Variants in CUL3 observed in about 807,000 individuals in gnomAD.
The protein encoded by CUL3 is cullin-3.
CUL3 carries 19 observed loss-of-function variants against 89.1 expected under a neutral mutation model. The observed-to-expected ratio is 0.21, with a 90% CI of 0.15 to 0.31. The LOEUF (loss-of-function observed/expected upper bound fraction) is 0.31, where lower values mean the gene tolerates loss of function less well. Among genes scored for constraint, CUL3 ranks in the 10% least tolerant of loss-of-function variants. The pLI is 1.00. For synonymous variants in CUL3, 351 were observed against 308.4 expected, an observed-to-expected ratio of 1.14 and a Z score of -1.45; for missense variants, 469 against 942.3, an observed-to-expected ratio of 0.50 and a Z score of 6.58.
chr2:224,519,161 G>A (rs569248556), intron 3 of CUL3, among the ~76,000 whole-genome samples: 2 of 152,236 alleles, frequency 1.3e-5, no homozygotes, highest in East Asian at 1.9e-4. Context: ...CTCATGCATC[G>A]GGTTGCAGCC....
intron 1 of CUL3, chr2:224,569,683 A>C: frequency 8.5e-7 from 1 of 1,182,004 alleles, no homozygotes; most frequent in South Asian, 1.5e-5. Flanking sequence ...TCTATTATAT[A>C]CTTACACATC....
chr2:224,496,588 A>G (rs1382821946), intron 12 of CUL3, among the ~76,000 whole-genome samples: 1 of 152,192 alleles, frequency 6.6e-6, no homozygotes, highest in Admixed American at 6.5e-5. Flanking sequence ...GATAATAATA[A>G]TAGACTTACA....
chr2:224,564,696 A>G (rs1356685468), intron 1 of CUL3, among the ~76,000 whole-genome samples: 1 of 152,168 alleles, frequency 6.6e-6, no homozygotes, highest in Non-Finnish European at 1.5e-5. Context: ...TGGCATTTAC[A>G]TTAGTGGCTC....
Position 224,503,810 on chromosome 2 carries a change from CTT to C in CUL3, c.1217_1218del (p.Gln406ArgfsTer8). Reference protein sequence around the residue: ...LKKGVKGLTEQEVETILDKAM... With the variant: ...LKKGVKGLTEXEVETILDKAM... ...GCTTTATCCAATATTGTTTCTACTT[CTT>C]GTTCTGTTAGCTGCAAAATTAAGAT... On this transcript the variant is annotated frameshift_variant, in exon 9 of 16. Coordinates refer to ENST00000264414, the MANE Select transcript of CUL3 (RefSeq NM_003590.5). LOFTEE classifies it high-confidence loss of function. 1 of 1,558,344 alleles carries C rather than the reference CTT, an allele frequency of 6.4e-7. No individual in the cohort carries two copies. Among genetic ancestry groups the C allele is most frequent in the Non-Finnish European group, 8.6e-7 (1 of 1,157,116 alleles).
intron 14 of CUL3, 124 bp from the exon 15 acceptor site, chr2:224,478,469 T>G: frequency 1.3e-6 from 1 of 760,172 alleles, no homozygotes; most frequent in South Asian, 2.4e-5. Context: ...TATACACACT[T>G]ATTAATTCAA....
chr2:224,523,961 G>A (rs556879743), intron 3 of CUL3, among the ~76,000 whole-genome samples: 29 of 152,250 alleles, frequency 1.9e-4, no homozygotes, highest in African/African-American at 5.8e-4. Context: ...AGTTTTGCAA[G>A]ATGAAAAGAA....
At chr2:224,482,768 T>TC (rs1691580284) in intron 13 of CUL3, among the ~76,000 whole-genome samples, 1 of 152,178 alleles carries the variant, frequency 6.6e-6, no homozygotes, top group Admixed American at 6.5e-5. Context: ...AATTCACTAT[T>TC]CTGTCAGTGG....
chr2:224,527,333 T>C (rs553824139), intron 3 of CUL3, among the ~76,000 whole-genome samples: 1 of 152,314 alleles, frequency 6.6e-6, no homozygotes, highest in African/African-American at 2.4e-5. Flanking sequence ...AGAGCTAAAA[T>C]CATCAAAATG....
chr2:224,487,172 T>C lies in CUL3; in HGVS notation c.1843-5094A>G, dbSNP rs373171393. 1.1e-4 allele frequency among the ~76,000 whole-genome samples: 17 copies of C among 152,192 alleles called. No individual in the cohort carries two copies. The East Asian group carries it at 2.7e-3, about 24-fold the overall frequency. ...CAGCCACTGCAAAAACATACCAAAA[T>C]GTAAAGACTATTGACACTATGAAGA... On this transcript the variant is annotated intron_variant, in intron 13 of 15. Coordinates refer to ENST00000264414, the MANE Select transcript of CUL3 (RefSeq NM_003590.5).
chr2:224,518,033 C>A (rs60504381), intron 3 of CUL3, among the ~76,000 whole-genome samples: 4 of 152,024 alleles, frequency 2.6e-5, no homozygotes. Flanking sequence ...TCAATAAGCA[C>A]AAAGTTCAAC....
Position 224,471,050 on chromosome 2 carries a change from G to A in CUL3, c.*3195C>T, listed in dbSNP as rs542923278. ...ACATAAAATATTCAGAATAGTATCT[G>A]GCATATGATAAGCACTTAAATGTTA... On this transcript the variant is annotated 3_prime_UTR_variant, in exon 16 of 16. Coordinates refer to ENST00000264414, the MANE Select transcript of CUL3 (RefSeq NM_003590.5). 3 of 225,378 alleles carry A rather than the reference G, an allele frequency of 1.3e-5. No individual in the cohort carries two copies. The highest frequency in any genetic ancestry group is 2.6e-5 in the Non-Finnish European group (3 of 113,408). The allele number at this position is 225,378 out of a possible 1,614,324, so 14.0% of individuals were successfully genotyped here. A position where few individuals can be genotyped will look rare whatever the true frequency, so the allele number is the denominator to read the frequency against.
chr2:224,581,181 C>T (rs909990917), intron 1 of CUL3, among the ~76,000 whole-genome samples: 1 of 151,890 alleles, frequency 6.6e-6, no homozygotes, highest in Non-Finnish European at 1.5e-5. Context: ...CGGATCACGA[C>T]GTCAGGAGTT....
chr2:224,550,208 T>A (rs1382698767), intron 2 of CUL3, among the ~76,000 whole-genome samples: 1 of 152,190 alleles, frequency 6.6e-6, no homozygotes, highest in African/African-American at 2.4e-5. Flanking sequence ...TAATGAGAGA[T>A]CTTGGGGATG....
At chr2:224,538,759 G>C (rs1693983243) in intron 2 of CUL3, among the ~76,000 whole-genome samples, 1 of 152,216 alleles carries the variant, frequency 6.6e-6, no homozygotes, top group Non-Finnish European at 1.5e-5. Context: ...TGAAGTGCAA[G>C]TAATGGAGAA....
rs762337466 is a variant in CUL3 at position 224,506,166 on chromosome 2, T to A, written c.1030-34A>T. On this transcript the variant is annotated intron_variant, in intron 7 of 15. Transcript: ENST00000264414. ...TAAAAACAAAATTTAGGACACATTA[T>A]AATAATTTTTCCATAAATAATACAC... is the stretch of plus-strand genomic sequence containing the variant. 5 of 1,433,036 alleles carry A rather than the reference T, an allele frequency of 3.5e-6. No homozygotes were observed. In the African/African-American group the frequency reaches 5.8e-5, roughly 17 times the overall value. 88.8% of individuals were successfully genotyped at this position (1,433,036 alleles called of 1,614,324 possible).
At chr2:224,567,494 C>T (rs931437451) in intron 1 of CUL3, among the ~76,000 whole-genome samples, 9 of 152,102 alleles carry the variant, frequency 5.9e-5, no homozygotes, top group African/African-American at 2.2e-4. Context: ...AATCCCAGCA[C>T]CTTGGGAGGA....
chr2:224,558,885 T>G (rs1694814600), intron 1 of CUL3, among the ~76,000 whole-genome samples: 1 of 12,616 alleles, frequency 7.9e-5, no homozygotes. Flanking sequence ...ACAAAAAATA[T>G]ACTAAATATA....
In CUL3 at chr2:224,585,194, C is replaced by A; in HGVS notation, c.-185G>T. On this transcript the variant is annotated 5_prime_UTR_variant, in exon 1 of 16. Transcript: ENST00000264414. ...GCGGCGGGGGCGGCGGCGGCGGCGG[C>A]GGCGGCTCGGACTCTGGCGACTCCG... 3.2e-6 allele frequency: 1 copy of A among 313,164 alleles called. No individual in the cohort carries two copies. Among genetic ancestry groups the A allele is most frequent in the Non-Finnish European group, 5.5e-6 (1 of 181,552 alleles). The allele number at this position is 313,164 out of a possible 1,614,324, so 19.4% of individuals were successfully genotyped here. A position where few individuals can be genotyped will look rare whatever the true frequency, so the allele number is the denominator to read the frequency against.
intron 2 of CUL3, among the ~76,000 whole-genome samples, chr2:224,551,760 G>C (rs1303342124): frequency 6.6e-6 from 1 of 152,176 alleles, no homozygotes; most frequent in East Asian, 1.9e-4. Flanking sequence ...GCCTGAGAAT[G>C]TATGGCTCAG....
Sources: gnomAD v4.1 joint callset for allele counts (sites outside exome capture counted in the v4.1 genomes callset) on GRCh38, gnomAD v4.1.1 for gene constraint, MANE v1.5 for transcripts, NCBI Gene and HGNC (gene_info 2026-07-23, HGNC 2026-07-21) for gene names.